The following KMO variants were observed in gnomAD, a reference collection of about 807,000 sequenced individuals.
KMO encodes the protein kynurenine 3-monooxygenase.
A neutral mutation model predicts 57.8 loss-of-function variants in KMO; 24 were observed. That is an observed-to-expected ratio of 0.42 (90% CI 0.30 to 0.58). The LOEUF (loss-of-function observed/expected upper bound fraction) is 0.58, where lower values mean the gene tolerates loss of function less well. KMO is among the 20% of genes least tolerant of loss of function. KMO has a pLI of 0.22. For missense variants in KMO, 483 were observed against 588.2 expected (o/e 0.82, Z 1.85); for synonymous variants, 210 against 193.6 (o/e 1.08, Z -0.70).
chr1:241,574,092 C>T (rs376933571), intron 10 of KMO, among the ~76,000 whole-genome samples: 12 of 152,114 alleles, frequency 7.9e-5, no homozygotes, highest in South Asian at 4.1e-4. Flanking sequence ...TGTATAGCAA[C>T]GCTACTGATT....
Position 241,565,718 on chromosome 1 carries a change from T to C in KMO, c.687+660T>C, listed in dbSNP as rs759202587. ...CAGCCTGGACAACAAAGCAAGACCC[T>C]GTTTCAAAAAAAAAGAGAGCATGGC... On this transcript the variant is annotated intron_variant, in intron 8 of 14. Transcript: ENST00000366559. Among the ~76,000 whole-genome samples, 7 of 151,906 alleles carry C rather than the reference T, an allele frequency of 4.6e-5. No individual in the cohort carries two copies. In the East Asian group the frequency reaches 1.4e-3, roughly 29 times the overall value.
intron 10 of KMO, among the ~76,000 whole-genome samples, chr1:241,568,947 G>A (rs771423693): frequency 6.6e-6 from 1 of 152,038 alleles, no homozygotes; most frequent in Non-Finnish European, 1.5e-5. Flanking sequence ...TCATGTCCCT[G>A]TTGTAAAATG....
intron 1 of KMO, among the ~76,000 whole-genome samples, chr1:241,545,021 T>C (rs981545918): frequency 6.6e-6 from 1 of 152,190 alleles, no homozygotes; most frequent in African/African-American, 2.4e-5. Context: ...CAAGGACTTA[T>C]CTTGGTAACC....
Position 241,568,552 on chromosome 1 carries a change from G to A in KMO, c.862G>A (p.Val288Ile), listed in dbSNP as rs778800946. ...GTTGCCTGCCCAGCCCATGATATCT[G>A]TAAAGTGCTCTTCATTTCACTTTAA... Reference protein sequence around the residue: ...FLLPAQPMISVKCSSFHFKSH... With the variant: ...FLLPAQPMISIKCSSFHFKSH... The change falls in exon 10 of 15, where the codon GTA becomes ATA. Residue 288 changes from valine (V) to isoleucine (I), a missense_variant. This residue lies in a region of KMO where 410 missense variants were observed against 492.3 expected (regional missense o/e 0.83). Transcript: ENST00000366559. 8 of 1,613,780 alleles carry A rather than the reference G, an allele frequency of 5.0e-6. No homozygotes were observed. The highest frequency in any genetic ancestry group is 6.8e-6 in the Non-Finnish European group (8 of 1,179,708).
chr1:241,561,147 C>T (rs1055243564), intron 6 of KMO, among the ~76,000 whole-genome samples: 5 of 152,120 alleles, frequency 3.3e-5, no homozygotes, highest in Admixed American at 3.3e-4. Context: ...CCCACTCTTG[C>T]GATATGCTAT....
chr1:241,573,274 A>G (rs1438192692), intron 10 of KMO, among the ~76,000 whole-genome samples: 1 of 152,098 alleles, frequency 6.6e-6, no homozygotes, highest in Non-Finnish European at 1.5e-5. Context: ...GGCCTGAGCT[A>G]CTGCGCCCAA....
intron 10 of KMO, among the ~76,000 whole-genome samples, chr1:241,585,613 T>C (rs971866197): frequency 6.6e-6 from 1 of 151,892 alleles, no homozygotes; most frequent in African/African-American, 2.4e-5. Flanking sequence ...AAAAATTAGC[T>C]GGGCGTGGTG....
At chr1:241,563,776 C>T (rs1247141662) in intron 7 of KMO, among the ~76,000 whole-genome samples, 1 of 152,184 alleles carries the variant, frequency 6.6e-6, no homozygotes, top group African/African-American at 2.4e-5. Flanking sequence ...GGCAATGTGA[C>T]TCAGACATGG....
intron 10 of KMO, among the ~76,000 whole-genome samples, chr1:241,570,023 A>G (rs1411962272): frequency 3.3e-5 from 5 of 151,946 alleles, no homozygotes; most frequent in African/African-American, 1.2e-4. Flanking sequence ...ATCTTCTTTG[A>G]GAAATGCCGA....
At chr1:241,543,888 T>C (rs1053515237) in intron 1 of KMO, among the ~76,000 whole-genome samples, 3 of 152,140 alleles carry the variant, frequency 2.0e-5, no homozygotes, top group African/African-American at 7.2e-5. Context: ...CTGCCAACCT[T>C]AGAAGTATTG....
intron 1 of KMO, among the ~76,000 whole-genome samples, chr1:241,537,008 GTTC>G (rs1660776286): frequency 6.6e-6 from 1 of 152,090 alleles, no homozygotes; most frequent in Non-Finnish European, 1.5e-5. Context: ...TTTCTGTTCT[GTTC>G]TTCTTAGGAT....
chr1:241,568,635 A>G lies in KMO; in HGVS notation c.945A>G (p.Gln315=). 6.2e-7 allele frequency: 1 copy of G among 1,613,686 alleles called. No individual in the cohort carries two copies. Among genetic ancestry groups the G allele is most frequent in the Non-Finnish European group, 8.5e-7 (1 of 1,179,754 alleles). ...ATGCTATAGTGCCGTTTTTTGGGCA[A>G]GGAATGAATGCGGTAAGTTCTTTTT... ...AAHAIVPFFG[Q]GMNAGFEDCL... The change falls in exon 10 of 15, where the codon CAA becomes CAG. Residue 315 remains glutamine (Q), a synonymous_variant. Coordinates refer to ENST00000366559, the MANE Select transcript of KMO (RefSeq NM_003679.5).
chr1:241,562,661 G>C (rs1353801714), intron 7 of KMO, among the ~76,000 whole-genome samples: 1 of 152,100 alleles, frequency 6.6e-6, no homozygotes, highest in Non-Finnish European at 1.5e-5. Flanking sequence ...GCCACATAGG[G>C]AGACTCTGTC....
chr1:241,548,261 T>C (rs977521045), intron 1 of KMO, among the ~76,000 whole-genome samples: 3 of 152,080 alleles, frequency 2.0e-5, no homozygotes, highest in African/African-American at 7.3e-5. Flanking sequence ...TGAGACCCCA[T>C]CTCTACAAAA....
intron 5 of KMO, among the ~76,000 whole-genome samples, chr1:241,556,676 G>C (rs1323572766): frequency 6.6e-6 from 1 of 152,090 alleles, no homozygotes; most frequent in African/African-American, 2.4e-5. Flanking sequence ...TCAGGAGTTT[G>C]AGACCAGCCT....
chr1:241,577,307 G>A (rs1035069020), intron 10 of KMO, among the ~76,000 whole-genome samples: 2 of 152,124 alleles, frequency 1.3e-5, no homozygotes, highest in East Asian at 3.9e-4. Context: ...ATAGAACCCT[G>A]TTTTGTCATA....
intron 1 of KMO, among the ~76,000 whole-genome samples, chr1:241,543,141 G>A (rs569100552): frequency 3.4e-4 from 52 of 151,950 alleles, no homozygotes; most frequent in African/African-American, 1.2e-3. Context: ...AACAATAAGC[G>A]GCCATGAATC....
rs140249894 is a variant in KMO at position 241,554,469 on chromosome 1, T to G, written c.313-1143T>G. 1.4e-4 allele frequency among the ~76,000 whole-genome samples: 22 copies of G among 152,070 alleles called. No homozygotes were observed. The East Asian group carries it at 4.3e-3, about 30-fold the overall frequency. On this transcript the variant is annotated intron_variant, in intron 4 of 14. Coordinates refer to ENST00000366559, the MANE Select transcript of KMO (RefSeq NM_003679.5). ...TTGTATTTTTAGTAGAGACGGGGTTTCGCCATGTTGGCCAGGCTGGTCTTA... is the reference window on the plus strand; with the variant it reads ...TTGTATTTTTAGTAGAGACGGGGTTGCGCCATGTTGGCCAGGCTGGTCTTA...
At chr1:241,557,273 C>T (rs1661672957) in intron 5 of KMO, among the ~76,000 whole-genome samples, 1 of 152,220 alleles carries the variant, frequency 6.6e-6, no homozygotes, top group Non-Finnish European at 1.5e-5. Context: ...TCTAAGCCTA[C>T]ACTGTAGTTG....
Sources: gnomAD v4.1 joint callset for allele counts (sites outside exome capture counted in the v4.1 genomes callset) on GRCh38, gnomAD v4.1.1 for gene constraint, gnomAD v4.1.1 regional missense constraint, MANE v1.5 for transcripts, NCBI Gene and HGNC (gene_info 2026-07-23, HGNC 2026-07-21) for gene names.